The following APBB2 variants were observed in gnomAD, a reference collection of about 807,000 sequenced individuals.
The protein encoded by APBB2 is Fe65-like 1.
A neutral mutation model predicts 82.5 loss-of-function variants in APBB2; 38 were observed. That is an observed-to-expected ratio of 0.46 (90% CI 0.36 to 0.60). APBB2 has a LOEUF of 0.60. Ranked by LOEUF, APBB2 falls within the 20% of genes least tolerant of loss-of-function variation. The pLI is 0.00. For synonymous variants in APBB2, 341 were observed against 368.2 expected (o/e 0.93, Z 0.85); for missense variants, 772 against 972.3 (o/e 0.79, Z 2.74).
chr4:40,974,516 TTTATAGTTTTA>T, intron 6 of APBB2, among the ~76,000 whole-genome samples: 1 of 152,258 alleles, frequency 6.6e-6, no homozygotes, highest in Admixed American at 6.5e-5. Flanking sequence ...AGGAGAAAGA[TTTATAGTTTTA>T]TTATAGTAAA....
intron 6 of APBB2, among the ~76,000 whole-genome samples, chr4:40,958,342 T>C (rs757281119): frequency 3.9e-5 from 6 of 152,180 alleles, no homozygotes; most frequent in Non-Finnish European, 8.8e-5. Context: ...ATAGCACTAC[T>C]GAGAACCTCA....
intron 6 of APBB2, among the ~76,000 whole-genome samples, chr4:40,984,841 C>T (rs1347514359): frequency 6.6e-6 from 1 of 152,034 alleles, no homozygotes; most frequent in Non-Finnish European, 1.5e-5. Flanking sequence ...ATACGTGGTA[C>T]TAGATATTTT....
intron 3 of APBB2, among the ~76,000 whole-genome samples, chr4:41,099,857 G>T (rs889329397): frequency 6.6e-6 from 1 of 152,038 alleles, no homozygotes; most frequent in African/African-American, 2.4e-5. Flanking sequence ...GAGGATATTT[G>T]TGTATGTTTC....
intron 10 of APBB2, among the ~76,000 whole-genome samples, chr4:40,924,854 A>G (rs761304296): frequency 6.6e-6 from 1 of 152,260 alleles, no homozygotes; most frequent in Non-Finnish European, 1.5e-5. Flanking sequence ...AAACAATGTT[A>G]TCCACAGTAT....
chr4:40,820,616 G>T (rs1474966642), intron 17 of APBB2, among the ~76,000 whole-genome samples: 1 of 152,052 alleles, frequency 6.6e-6, no homozygotes, highest in Admixed American at 6.5e-5. Flanking sequence ...AGTGAGCTGA[G>T]ATCGCGCCAT....
chr4:40,841,022 G>T (rs1755640493), intron 12 of APBB2, among the ~76,000 whole-genome samples: 1 of 152,202 alleles, frequency 6.6e-6, no homozygotes, highest in Non-Finnish European at 1.5e-5. Flanking sequence ...TCCTCAAAGT[G>T]ATTTAAAAAG....
chr4:41,056,122 G>C (rs945495783), intron 4 of APBB2, among the ~76,000 whole-genome samples: 12 of 152,170 alleles, frequency 7.9e-5, no homozygotes, highest in Non-Finnish European at 1.5e-4. Context: ...GGAAGTTGCA[G>C]TGAGCCGAGA....
At chr4:40,911,408 CA>C (rs1271673558) in intron 10 of APBB2, among the ~76,000 whole-genome samples, 5 of 152,260 alleles carry the variant, frequency 3.3e-5, no homozygotes, top group Non-Finnish European at 7.4e-5. Context: ...GGTAAGCATA[CA>C]ATGTGTCAAC....
At chr4:40,838,745 A>C (rs1299262361) in intron 12 of APBB2, among the ~76,000 whole-genome samples, 2 of 152,220 alleles carry the variant, frequency 1.3e-5, no homozygotes, top group Non-Finnish European at 2.9e-5. Flanking sequence ...CTGGGATTAC[A>C]GGCGTGAGCC....
chr4:41,206,827 G>A (rs1302575313), intron 1 of APBB2, among the ~76,000 whole-genome samples: 4 of 152,132 alleles, frequency 2.6e-5, no homozygotes, highest in Non-Finnish European at 5.9e-5. Flanking sequence ...GTGGCAGGTC[G>A]ACTCTTGCCC....
intron 10 of APBB2, among the ~76,000 whole-genome samples, chr4:40,904,808 C>A (rs1239480618): frequency 6.6e-5 from 10 of 151,540 alleles, no homozygotes. Flanking sequence ...CCGGCTGAAG[C>A]AAGGAATCAG....
intron 2 of APBB2, among the ~76,000 whole-genome samples, chr4:41,113,303 G>A (rs1388161623): frequency 6.6e-6 from 1 of 152,102 alleles, no homozygotes; most frequent in Non-Finnish European, 1.5e-5. Context: ...TGAGTTGGGG[G>A]AAAGCTCCAT....
chr4:40,911,749 C>A (rs1314420948), intron 10 of APBB2, among the ~76,000 whole-genome samples: 2 of 151,350 alleles, frequency 1.3e-5, no homozygotes, highest in Admixed American at 1.3e-4. Flanking sequence ...CATAAGTGGG[C>A]CTCCAGCTGG....
intron 1 of APBB2, among the ~76,000 whole-genome samples, chr4:41,202,965 T>C (rs4455451): frequency 0.054 from 8,150 of 152,270 alleles, 249 homozygotes; most frequent in Middle Eastern, 0.13. Flanking sequence ...TCTATCTCAT[T>C]ATTATTTCTC....
chr4:40,957,653 G>C (rs998833804), intron 6 of APBB2, among the ~76,000 whole-genome samples: 2 of 150,794 alleles, frequency 1.3e-5, no homozygotes, highest in Non-Finnish European at 2.9e-5. Flanking sequence ...GTGCGATCTC[G>C]GCTCACTGCA....
chr4:40,833,262 C>G (rs17425459), intron 12 of APBB2, among the ~76,000 whole-genome samples: 19,268 of 152,254 alleles, frequency 0.13, 1,294 homozygotes, highest in Non-Finnish European at 0.15. Context: ...ACACAAAGTC[C>G]AAAAACCTCT....
intron 3 of APBB2, among the ~76,000 whole-genome samples, chr4:41,068,622 C>G (rs138418776): frequency 2.5e-3 from 376 of 152,030 alleles, no homozygotes; most frequent in African/African-American, 8.1e-3. Flanking sequence ...TAGAAAAGAG[C>G]ATTTATAAGT....
At chr4:41,097,580 T>G (rs1204381757) in intron 3 of APBB2, among the ~76,000 whole-genome samples, 1 of 152,220 alleles carries the variant, frequency 6.6e-6, no homozygotes, top group Non-Finnish European at 1.5e-5. Context: ...CCAAAAAACT[T>G]GCTGCATACT....
chr4:40,844,902 T>C (rs554186705), intron 12 of APBB2, among the ~76,000 whole-genome samples: 127 of 152,362 alleles, frequency 8.3e-4, no homozygotes, highest in African/African-American at 3.0e-3. Flanking sequence ...AAAAAGCCTA[T>C]CTGTAGTGTG....
Sources: gnomAD v4.1 joint callset for allele counts (sites outside exome capture counted in the v4.1 genomes callset) on GRCh38, gnomAD v4.1.1 for gene constraint, MANE v1.5 for transcripts, NCBI Gene and HGNC (gene_info 2026-07-23, HGNC 2026-07-21) for gene names.